Variants in NFASC observed in about 807,000 individuals in gnomAD.
NFASC encodes neurofascin homolog.
NFASC carries 43 observed loss-of-function variants against 147.5 expected under a neutral mutation model. That is an observed-to-expected ratio of 0.29 (90% CI 0.23 to 0.38). The LOEUF (loss-of-function observed/expected upper bound fraction) is 0.38, where lower values mean the gene tolerates loss of function less well. Ranked by LOEUF, NFASC falls within the 10% of genes least tolerant of loss-of-function variation. The probability of loss-of-function intolerance (pLI) is 1.00; values close to 1 mark genes in which losing one functional copy is unlikely to be tolerated. For missense variants in NFASC, 1,320 were observed against 1,689.0 expected (o/e 0.78, Z 3.83); for synonymous variants, 622 against 665.5 (o/e 0.93, Z 1.01).
At chr1:205,011,753 A>G (rs2096257190) in intron 28 of NFASC, among the ~76,000 whole-genome samples, 1 of 152,214 alleles carries the variant, frequency 6.6e-6, no homozygotes. Flanking sequence ...TCCCTCATCT[A>G]AAATGGGGAT....
chr1:204,871,914 G>T (rs1254412352), intron 1 of NFASC, among the ~76,000 whole-genome samples: 3 of 152,194 alleles, frequency 2.0e-5, no homozygotes, highest in Non-Finnish European at 4.4e-5. Context: ...ACAGAGATGT[G>T]TACTGGTTTG....
chr1:204,847,521 T>C (rs2075287696), intron 1 of NFASC, among the ~76,000 whole-genome samples: 1 of 152,216 alleles, frequency 6.6e-6, no homozygotes, highest in Admixed American at 6.5e-5. Flanking sequence ...CTTCTCTTCT[T>C]ACCTTGGGGC....
chr1:204,891,363 C>T lies in NFASC; in HGVS notation c.-199-29269C>T, dbSNP rs991079869. 4.6e-5 allele frequency among the ~76,000 whole-genome samples: 7 copies of T among 152,256 alleles called. No individual in the cohort carries two copies. In the South Asian group the frequency reaches 8.3e-4, roughly 18 times the overall value. ...AGGGACAGTGCATCAGGAGAAGGGC[C>T]ACCCTTTCCCACTGGTCAAAGTTTC... is the stretch of plus-strand genomic sequence containing the variant. On this transcript the variant is annotated intron_variant, in intron 1 of 29. Coordinates refer to ENST00000339876, the MANE Select transcript of NFASC (RefSeq NM_001005388.3).
At chr1:204,944,434 T>C (rs749902525) in intron 3 of NFASC, 28 bp downstream of exon 3, 2 of 1,530,014 alleles carry the variant, frequency 1.3e-6, no homozygotes, top group African/African-American at 2.8e-5. Flanking sequence ...CTCTTCTCTT[T>C]TTTTTCCTGA....
In NFASC at chr1:204,920,677, C is replaced by T; in HGVS notation, c.-154C>T. On this transcript the variant is annotated 5_prime_UTR_variant, in exon 2 of 30. Coordinates refer to ENST00000339876, the MANE Select transcript of NFASC (RefSeq NM_001005388.3). ...TTTGGGACGCTGGAGTTTACCTTCCCTCCGCAGCCTGGAACAGAGCCTCCT... is the reference window on the plus strand; with the variant it reads ...TTTGGGACGCTGGAGTTTACCTTCCTTCCGCAGCCTGGAACAGAGCCTCCT... 7.8e-7 allele frequency: 1 copy of T among 1,289,624 alleles called. No individual in the cohort carries two copies. Among genetic ancestry groups the T allele is most frequent in the Non-Finnish European group, 1.0e-6 (1 of 988,798 alleles). 79.9% of individuals were successfully genotyped at this position (1,289,624 alleles called of 1,614,324 possible). A position where few individuals can be genotyped will look rare whatever the true frequency, so the allele number is the denominator to read the frequency against.
chr1:204,992,958 G>T (rs1184528570), intron 24 of NFASC, among the ~76,000 whole-genome samples: 2 of 152,208 alleles, frequency 1.3e-5, no homozygotes, highest in East Asian at 3.8e-4. Flanking sequence ...TGTTTCCTGG[G>T]CTCCAGCTTC....
At chr1:204,864,908 A>G (rs2076991374) in intron 1 of NFASC, among the ~76,000 whole-genome samples, 1 of 152,222 alleles carries the variant, frequency 6.6e-6, no homozygotes, top group African/African-American at 2.4e-5. Context: ...CACTTTATTG[A>G]TAACATCCTT....
rs370183978 is a variant in NFASC, at chr1:204,991,356, C to T, written c.2782+50C>T. 2.1e-5 allele frequency: 33 copies of T among 1,596,308 alleles called. 1 individual carries two copies. Among genetic ancestry groups the T allele is most frequent in the Middle Eastern group, 1.6e-4 (1 of 6,066 alleles). On this transcript the variant is annotated intron_variant, in intron 24 of 29. Coordinates refer to ENST00000339876, the MANE Select transcript of NFASC (RefSeq NM_001005388.3). ...TGGGCATGGCATGGGGCAGCGCAGG[C>T]GGAGCCCAGCCCAGCCAGGGCGGAC...
At position 205,015,204 on chromosome 1, in the gene NFASC, G is replaced by A. The variant is rs1432443187; in HGVS notation, c.3492-1104G>A. ...CTTCCCCACGTCCAGGAAGGACTGG[G>A]GGTGGGTGGGGAGCTGGGGGCAAGG... On this transcript the variant is annotated intron_variant, in intron 29 of 29. Coordinates refer to ENST00000339876, the MANE Select transcript of NFASC (RefSeq NM_001005388.3). This position sits in a 1 kb window ranked among gnomAD's most constrained non-coding sequence, Gnocchi z 4.0. 6.6e-6 allele frequency among the ~76,000 whole-genome samples: 1 copy of A among 152,166 alleles called. No individual in the cohort carries two copies. Among genetic ancestry groups the A allele is most frequent in the Non-Finnish European group, 1.5e-5 (1 of 68,026 alleles).
At position 204,976,979 on chromosome 1, in the gene NFASC, C is replaced by A. The variant is rs150050660; in HGVS notation, c.1831+184C>A. 602 of 1,376,762 alleles carry A rather than the reference C, an allele frequency of 4.4e-4. 4 individuals are homozygous for A. In the East Asian group the frequency reaches 0.016, roughly 36 times the overall value. The allele number at this position is 1,376,762 out of a possible 1,614,324, so 85.3% of individuals were successfully genotyped here. ...GCTGCCAGTTTCAGAACAAGCTGTG[C>A]TGGACAGGTTACCTCCTGAGTGGAG... On this transcript the variant is annotated intron_variant, in intron 16 of 29. Transcript: ENST00000339876.
Position 204,977,358 on chromosome 1 carries a change from C to T in NFASC, c.1832-323C>T, listed in dbSNP as rs182005406. Among the ~76,000 whole-genome samples the T allele has an allele frequency of 2.6e-5, 4 of 152,358 alleles. No individual in the cohort carries two copies. The East Asian group carries it at 7.7e-4, about 29-fold the overall frequency. On this transcript the variant is annotated intron_variant, in intron 16 of 29. Transcript: ENST00000339876. ...TCTCCCTTCCAGGCAAGCAGGTCCTCTGTCACCTCTGCCTCCCCGTGGGTG... is the reference window on the plus strand; with the variant it reads ...TCTCCCTTCCAGGCAAGCAGGTCCTTTGTCACCTCTGCCTCCCCGTGGGTG...
chr1:204,835,213 CTTT>C (rs1001302661), intron 1 of NFASC, among the ~76,000 whole-genome samples: 1,695 of 80,430 alleles, frequency 0.021, 33 homozygotes, highest in East Asian at 0.17. Flanking sequence ...TGAGGTGGGT[CTTT>C]TTTTTTTTTT....
At chr1:204,912,898 C>T (rs2087997256) in intron 1 of NFASC, among the ~76,000 whole-genome samples, 2 of 151,796 alleles carry the variant, frequency 1.3e-5, no homozygotes, top group Middle Eastern at 3.2e-3. Context: ...CGTGGTGGCA[C>T]GTGCCTATAA....
Position 204,875,898 on chromosome 1 carries a change from T to C in NFASC, c.-199-44734T>C, listed in dbSNP as rs948208400. On this transcript the variant is annotated intron_variant, in intron 1 of 29. Coordinates refer to ENST00000339876, the MANE Select transcript of NFASC (RefSeq NM_001005388.3). ...GACTGAGGAGAGGTCTGATAGGGTC[T>C]TTGTTTGACTGACTCTGAAATTCCA... is the stretch of plus-strand genomic sequence containing the variant. Among the ~76,000 whole-genome samples, 13 of 152,204 alleles carry C rather than the reference T, an allele frequency of 8.5e-5. No homozygotes were observed. In the East Asian group the frequency reaches 9.7e-4, roughly 11 times the overall value.
rs573832205 is a variant in NFASC at position 204,939,574 on chromosome 1, C to T, written c.-90-4652C>T. Among the ~76,000 whole-genome samples the T allele has an allele frequency of 5.2e-4, 80 of 152,386 alleles. 1 individual carries two copies. The highest frequency in any genetic ancestry group is 1.9e-3 in the African/African-American group (77 of 41,594). On this transcript the variant is annotated intron_variant, in intron 2 of 29. Coordinates refer to ENST00000339876, the MANE Select transcript of NFASC (RefSeq NM_001005388.3). ...AGGATGTGGGAGTTTCCTGGTCCTC[C>T]CTGGGATGATCCCACTAGAACCAAC...
In NFASC at chr1:204,957,664, C is replaced by T; in HGVS notation, c.544C>T (p.Pro182Ser). The T allele has an allele frequency of 1.2e-6, 2 of 1,614,018 alleles. No individual in the cohort carries two copies. Among genetic ancestry groups the T allele is most frequent in the Middle Eastern group, 1.6e-4 (1 of 6,062 alleles). The change falls in exon 8 of 30, where the codon CCC (proline) becomes TCC (serine). Residue 182 changes from proline to serine, a missense_variant. By Grantham distance (74) the Pro-to-Ser change is moderately conservative. This residue lies in a region of NFASC where 981 missense variants were observed against 1,289.5 expected (regional missense o/e 0.76). Transcript: ENST00000339876. ...CCTCTGCTTTCTTATAGCCATGGAG[C>T]CCATCACCCAAGACAAACGTGTCTC... Reference protein sequence around the residue: ...VIFWMSSSMEPITQDKRVSQG... With the variant: ...VIFWMSSSMESITQDKRVSQG...
chr1:204,845,462 A>AAAT (rs1465423512), intron 1 of NFASC, among the ~76,000 whole-genome samples: 2 of 151,944 alleles, frequency 1.3e-5, no homozygotes, highest in African/African-American at 2.4e-5. Flanking sequence ...CATCTCAAAA[A>AAAT]AATAATAATA....
chr1:204,975,655 C>T lies in NFASC; in HGVS notation c.1706+237C>T, dbSNP rs986781986. Among the ~76,000 whole-genome samples, 1 of 152,036 alleles carries T rather than the reference C, an allele frequency of 6.6e-6. No individual in the cohort carries two copies. Among genetic ancestry groups the T allele is most frequent in the Non-Finnish European group, 1.5e-5 (1 of 67,994 alleles). On this transcript the variant is annotated intron_variant, in intron 15 of 29. Transcript: ENST00000339876. This position sits in a 1 kb window ranked among gnomAD's most constrained non-coding sequence, Gnocchi z 4.0. ...CAGCTCCCTGCTTCTCTCTCCTACACCTCCTCTCTCTCCCTCTTCTCAATC... is the reference window on the plus strand; with the variant it reads ...CAGCTCCCTGCTTCTCTCTCCTACATCTCCTCTCTCTCCCTCTTCTCAATC...
intron 1 of NFASC, among the ~76,000 whole-genome samples, chr1:204,896,506 A>G (rs529542977): frequency 6.6e-6 from 1 of 152,340 alleles, no homozygotes; most frequent in African/African-American, 2.4e-5. Flanking sequence ...GGTAGAAGGA[A>G]GAAGGTAGAA....
Sources: gnomAD v4.1 joint callset for allele counts (sites outside exome capture counted in the v4.1 genomes callset) on GRCh38, gnomAD v4.1.1 for gene constraint, gnomAD v4.1.1 regional missense constraint, Gnocchi (gnomAD v3.1) non-coding constraint, MANE v1.5 for transcripts, NCBI Gene and HGNC (gene_info 2026-07-23, HGNC 2026-07-21) for gene names.